SLC38A4: variants seen among roughly 807,000 people sequenced by gnomAD.
SLC38A4 encodes sodium-coupled neutral amino acid transporter 4.
Under a neutral mutation model 63.1 loss-of-function variants are expected in SLC38A4, and 20 were observed. The ratio of observed to expected loss-of-function variants is 0.32; its 90% CI spans 0.22 to 0.46. The LOEUF is 0.46. Ranked by LOEUF, SLC38A4 falls within the 20% of genes least tolerant of loss-of-function variation. The probability of loss-of-function intolerance (pLI) is 1.00; values close to 1 mark genes in which losing one functional copy is unlikely to be tolerated. For missense variants in SLC38A4, 526 were observed against 663.6 expected (o/e 0.79, Z 2.28); for synonymous variants, 230 against 225.5 (o/e 1.02, Z -0.18).
chr12:46,775,623 A>AT (rs1037033185), intron 13 of SLC38A4, among the ~76,000 whole-genome samples: 1 of 151,866 alleles, frequency 6.6e-6, no homozygotes, highest in African/African-American at 2.4e-5. Context: ...GATTGCTACC[A>AT]TTTTTTCAAG....
chr12:46,810,043 A>C (rs2120887529), intron 1 of SLC38A4, among the ~76,000 whole-genome samples: 1 of 152,140 alleles, frequency 6.6e-6, no homozygotes, highest in Middle Eastern at 3.4e-3. Flanking sequence ...ACATTCTAAT[A>C]ATTATCAGTT....
chr12:46,825,466 G>T (rs1192956369), intron 1 of SLC38A4, among the ~76,000 whole-genome samples: 2 of 152,124 alleles, frequency 1.3e-5, no homozygotes, highest in African/African-American at 4.8e-5. Flanking sequence ...AGATAAGAAG[G>T]AATAAAACAG....
At position 46,766,417 on chromosome 12, in the gene SLC38A4, TGCTC is replaced by T. The variant is rs1477446553; in HGVS notation, c.*280_*283del. 9.5e-6 allele frequency: 5 copies of T among 528,944 alleles called. No homozygotes were observed. The Admixed American group carries it at 1.1e-4, about 12-fold the overall frequency. The allele number at this position is 528,944 out of a possible 1,614,324, so 32.8% of individuals were successfully genotyped here. A position where few individuals can be genotyped will look rare whatever the true frequency, so the allele number is the denominator to read the frequency against. Reference sequence around the variant, plus strand: ...TTGTTACATGCAGTTACCCTTATTCTGCTCGTAAAGCAGCAAAAATACACCTTCA... The same window carrying T: ...TTGTTACATGCAGTTACCCTTATTCTGTAAAGCAGCAAAAATACACCTTCA... On this transcript the variant is annotated 3_prime_UTR_variant, in exon 17 of 17. Coordinates refer to ENST00000266579, the MANE Select transcript of SLC38A4 (RefSeq NM_018018.5).
intron 7 of SLC38A4, among the ~76,000 whole-genome samples, chr12:46,780,971 T>C (rs1938625525): frequency 6.6e-6 from 1 of 152,038 alleles, no homozygotes; most frequent in Non-Finnish European, 1.5e-5. Flanking sequence ...GAATTTTTGC[T>C]AACAGGCACT....
At chr12:46,818,726 T>A (rs535025664) in intron 1 of SLC38A4, among the ~76,000 whole-genome samples, 1 of 151,874 alleles carries the variant, frequency 6.6e-6, no homozygotes, top group Non-Finnish European at 1.5e-5. Flanking sequence ...TCTATGTATA[T>A]CAGTAATAGA....
intron 13 of SLC38A4, among the ~76,000 whole-genome samples, chr12:46,776,303 G>T (rs1938523747): frequency 6.6e-6 from 1 of 152,038 alleles, no homozygotes; most frequent in Admixed American, 6.6e-5. Context: ...GAGAGGAAAT[G>T]TTGCAGGCAT....
chr12:46,799,879 T>A (rs946304518), intron 2 of SLC38A4, among the ~76,000 whole-genome samples: 7 of 152,072 alleles, frequency 4.6e-5, no homozygotes, highest in African/African-American at 1.7e-4. Context: ...TAAAACAGAC[T>A]CCTTGCACCT....
At chr12:46,781,482 T>C (rs1938637600) in intron 7 of SLC38A4, among the ~76,000 whole-genome samples, 1 of 152,070 alleles carries the variant, frequency 6.6e-6, no homozygotes, top group African/African-American at 2.4e-5. Context: ...TGTTTGGTCT[T>C]CAAAAATTCA....
chr12:46,793,113 A>G lies in SLC38A4; in HGVS notation c.-42T>C, dbSNP rs746898581. 2 of 1,391,114 alleles carry G rather than the reference A, an allele frequency of 1.4e-6. No homozygotes were observed. Among genetic ancestry groups the G allele is most frequent in the Non-Finnish European group, 2.0e-6 (2 of 979,102 alleles). The allele number at this position is 1,391,114 out of a possible 1,614,324, so 86.2% of individuals were successfully genotyped here. On this transcript the variant is annotated 5_prime_UTR_variant, in exon 3 of 17. Transcript: ENST00000266579. ...TTCTTGTCCACACACAAGCCCCTTC[A>G]GTGTAAATAATATACTGTACCTTCA...
chr12:46,768,457 AG>A (rs761663865), intron 15 of SLC38A4, 50 bp from the exon 16 acceptor site: 1 of 1,360,648 alleles, frequency 7.3e-7, no homozygotes, highest in South Asian at 1.2e-5. Context: ...AGCAGTTCCT[AG>A]CAAAGGAGAT....
At chr12:46,805,662 C>T (rs1939216985) in intron 1 of SLC38A4, among the ~76,000 whole-genome samples, 1 of 152,034 alleles carries the variant, frequency 6.6e-6, no homozygotes, top group South Asian at 2.1e-4. Context: ...ATGCATGGCA[C>T]ATGCAACATT....
At chr12:46,770,548 C>G (rs1207529789) in intron 14 of SLC38A4, among the ~76,000 whole-genome samples, 2 of 152,026 alleles carry the variant, frequency 1.3e-5, no homozygotes, top group Non-Finnish European at 1.5e-5. Flanking sequence ...GATTTCAGCC[C>G]TATTTTAGCA....
At chr12:46,782,983 A>G (rs1388257968) in intron 7 of SLC38A4, among the ~76,000 whole-genome samples, 1 of 142,172 alleles carries the variant, frequency 7.0e-6, no homozygotes, top group Non-Finnish European at 1.5e-5. Flanking sequence ...ACCAGTCTAG[A>G]GGAGCAATAG....
chr12:46,788,504 G>T (rs760352059), intron 4 of SLC38A4, 24 bp downstream of exon 4: 8 of 1,588,002 alleles, frequency 5.0e-6, no homozygotes, highest in Non-Finnish European at 6.9e-6. Flanking sequence ...CCCGTTTATT[G>T]CCTGAAAGCA....
intron 1 of SLC38A4, among the ~76,000 whole-genome samples, chr12:46,831,845 G>C (rs549575837): frequency 2.5e-3 from 379 of 152,286 alleles, no homozygotes; most frequent in Non-Finnish European, 4.2e-3. Flanking sequence ...GGGGAAGTCG[G>C]GCCTCTCAGC....
intron 7 of SLC38A4, among the ~76,000 whole-genome samples, chr12:46,783,662 A>G (rs1938697308): frequency 2.6e-5 from 4 of 152,078 alleles, no homozygotes; most frequent in Admixed American, 6.6e-5. Flanking sequence ...AAAAGGAAAC[A>G]TTTACGCTGA....
chr12:46,786,440 C>T (rs1938762744), intron 5 of SLC38A4, among the ~76,000 whole-genome samples: 1 of 151,852 alleles, frequency 6.6e-6, no homozygotes, highest in African/African-American at 2.4e-5. Flanking sequence ...AAAATGAGGC[C>T]CTCATTTTAA....
intron 1 of SLC38A4, among the ~76,000 whole-genome samples, chr12:46,807,199 A>G (rs1939251181): frequency 6.6e-6 from 1 of 152,048 alleles, no homozygotes; most frequent in Admixed American, 6.6e-5. Context: ...GTATTTTTTA[A>G]TACTTTTGTA....
At chr12:46,779,093 CT>C (rs1490769705) in intron 10 of SLC38A4, among the ~76,000 whole-genome samples, 3 of 151,924 alleles carry the variant, frequency 2.0e-5, no homozygotes, top group African/African-American at 7.2e-5. Flanking sequence ...GTCTTCAAAA[CT>C]TTTTTTCCTT....
Sources: allele counts gnomAD v4.1 joint callset (sites outside exome capture counted in the v4.1 genomes callset), GRCh38; gene constraint gnomAD v4.1.1; transcripts MANE v1.5; gene names NCBI Gene and HGNC (gene_info 2026-07-23, HGNC 2026-07-21).